Variants in GRN observed in about 807,000 individuals in gnomAD.
GRN encodes the protein granulin precursor, also known as progranulin.
Under a neutral mutation model 66.7 loss-of-function variants are expected in GRN, and 30 were observed. That is an observed-to-expected ratio of 0.45 (90% CI 0.34 to 0.61). The LOEUF is 0.61. GRN is among the 20% of genes least tolerant of loss of function. The pLI is 0.01. For missense variants in GRN, 731 were observed against 803.5 expected, an observed-to-expected ratio of 0.91 and a Z score of 1.09; for synonymous variants, 327 against 311.1, an observed-to-expected ratio of 1.05 and a Z score of -0.54.
intron 10 of GRN, 80 bp downstream of exon 10, chr17:44,351,875 AT>A: frequency 1.3e-6 from 2 of 1,526,964 alleles, no homozygotes; most frequent in Non-Finnish European, 1.8e-6. Flanking sequence ...CGCATAGCCC[AT>A]AGGTGATACC....
At position 44,349,727 on chromosome 17, in the gene GRN, G is replaced by A. The variant is rs766292113; in HGVS notation, c.325G>A (p.Gly109Arg). Residue 109 changes from glycine to arginine, a missense_variant, in exon 4 of 13, where the codon GGG (glycine) becomes AGG (arginine). Transcript: ENST00000053867. ...CPRGFHCSAD[G>R]RSCFQRSGNN... Reference sequence around the variant, plus strand: ...ACGGGGCTTCCACTGCAGTGCAGACGGGCGATCCTGCTTCCAAAGATCAGG... The same window carrying A: ...ACGGGGCTTCCACTGCAGTGCAGACAGGCGATCCTGCTTCCAAAGATCAGG... 33 of 1,610,238 alleles carry A rather than the reference G, an allele frequency of 2.0e-5. No individual in the cohort carries two copies. The highest frequency in any genetic ancestry group is 5.3e-5 in the African/African-American group (4 of 74,876).
chr17:44,347,181 GAAT>G (rs1185831798), intron 1 of GRN, among the ~76,000 whole-genome samples: 2 of 152,082 alleles, frequency 1.3e-5, no homozygotes. Context: ...ATTGTTTAGG[GAAT>G]AATAAGAAAG....
chr17:44,349,413 C>A lies in GRN; in HGVS notation c.139-13C>A, dbSNP rs1198810658. ...CACAAGTCTGTGGTTTATCATTTTC[C>A]CTGTCTTTCTAGGACAAATGGCCCA... is the stretch of plus-strand genomic sequence containing the variant. On this transcript the variant is annotated splice_polypyrimidine_tract_variant and intron_variant, in intron 2 of 12. Coordinates refer to ENST00000053867, the MANE Select transcript of GRN (RefSeq NM_002087.4). The A allele has an allele frequency of 1.9e-6, 3 of 1,614,096 alleles. No individual in the cohort carries two copies. Among genetic ancestry groups the A allele is most frequent in the Non-Finnish European group, 2.5e-6 (3 of 1,180,052 alleles).
At chr17:44,351,269 A>G in intron 8 of GRN, 94 bp from the exon 9 acceptor site, 3 of 1,533,026 alleles carry the variant, frequency 2.0e-6, no homozygotes, top group Non-Finnish European at 2.7e-6. Context: ...CTCCATCTTC[A>G]ACACCTGGTT....
Position 44,351,475 on chromosome 17 carries a change from CG to C in GRN, c.933+18del. ...CTTTTACCCAGGTACCCAGGGGTGG[CG>C]GGTGGGTGGGCTGAGCACAGTGTGG... On this transcript the variant is annotated intron_variant, in intron 9 of 12. Coordinates refer to ENST00000053867, the MANE Select transcript of GRN (RefSeq NM_002087.4). The C allele has an allele frequency of 1.7e-6, 1 of 585,560 alleles. No individual in the cohort carries two copies. The highest frequency in any genetic ancestry group is 3.2e-6 in the Non-Finnish European group (1 of 311,464). The allele number at this position is 585,560 out of a possible 1,614,324, so 36.3% of individuals were successfully genotyped here.
intron 4 of GRN, 74 bp downstream of exon 4, chr17:44,349,825 C>A: frequency 1.0e-6 from 1 of 1,003,172 alleles, no homozygotes. Context: ...GCCCAGCTGG[C>A]GGGGGCAGCC....
chr17:44,352,658 C>G lies in GRN; in HGVS notation c.1645-3C>G. The G allele has an allele frequency of 6.2e-7, 1 of 1,609,988 alleles. No individual in the cohort carries two copies. The highest frequency in any genetic ancestry group is 8.5e-7 in the Non-Finnish European group (1 of 1,180,006). On this transcript the variant is annotated splice_region_variant and splice_polypyrimidine_tract_variant and intron_variant, in intron 12 of 12. Coordinates refer to ENST00000053867, the MANE Select transcript of GRN (RefSeq NM_002087.4). Reference sequence around the variant, plus strand: ...ACCCTCTCGCCCCCCTCTGACCATCCAGGGCGTCTGTTGTGCTGATCGGCG... The same window carrying G: ...ACCCTCTCGCCCCCCTCTGACCATCGAGGGCGTCTGTTGTGCTGATCGGCG...
intron 5 of GRN, 40 bp from the exon 6 acceptor site, chr17:44,350,402 G>T: frequency 6.2e-7 from 1 of 1,613,374 alleles, no homozygotes; most frequent in South Asian, 1.1e-5. Flanking sequence ...GGGGGCCAGG[G>T]GCAGGGGGTG....
intron 4 of GRN, chr17:44,350,023 C>T (rs2048356948): frequency 1.5e-6 from 1 of 662,666 alleles, no homozygotes; most frequent in Non-Finnish European, 2.7e-6. Flanking sequence ...TCAGTGGGTG[C>T]CCCTTCCCCA....
chr17:44,347,899 G>A (rs1054839175), intron 1 of GRN, among the ~76,000 whole-genome samples: 1 of 145,922 alleles, frequency 6.9e-6, no homozygotes, highest in Non-Finnish European at 1.5e-5. Context: ...CACTGAACTC[G>A]AGCATGGGCA....
At chr17:44,347,123 AAAAGAG>A (rs1345708043) in intron 1 of GRN, among the ~76,000 whole-genome samples, 1 of 151,862 alleles carries the variant, frequency 6.6e-6, no homozygotes, top group African/African-American at 2.4e-5. Flanking sequence ...TCTCAAAAAA[AAAAGAG>A]AAAAAGAAAA....
chr17:44,349,489 T>C lies in GRN; in HGVS notation c.202T>C (p.Ser68Pro), dbSNP rs745376236. 1.5e-5 allele frequency: 25 copies of C among 1,614,162 alleles called. No homozygotes were observed. In the South Asian group the frequency reaches 2.4e-4, roughly 16 times the overall value. ...GGPCQVDAHC[S>P]AGHSCIFTVS... Reference sequence around the variant, plus strand: ...CCCCTGCCAGGTTGATGCCCACTGCTCTGCCGGCCACTCCTGCATCTTTAC... The same window carrying C: ...CCCCTGCCAGGTTGATGCCCACTGCCCTGCCGGCCACTCCTGCATCTTTAC... Residue 68 changes from serine (S) to proline (P), a missense_variant, in exon 3 of 13, where the codon TCT becomes CCT. Physicochemically the swap from Ser to Pro is moderately conservative, Grantham distance 74 (BLOSUM62 -1). This residue lies in a region of GRN where 370 missense variants were observed against 379.8 expected (regional missense o/e 0.97). Transcript: ENST00000053867.
At chr17:44,345,497 A>G (rs2048320112) in intron 1 of GRN, 163 bp downstream of exon 1, 1 of 152,340 alleles carries the variant, frequency 6.6e-6, no homozygotes, top group Non-Finnish European at 1.5e-5. Context: ...TTTATGGGAA[A>G]GAGGAAGCAG....
intron 4 of GRN, chr17:44,349,971 T>G: frequency 1.6e-6 from 1 of 637,054 alleles, no homozygotes; most frequent in Non-Finnish European, 2.8e-6. Flanking sequence ...GTTGTGGGGG[T>G]GGGGAGAGGT....
rs2048394652 is a variant in GRN, at chr17:44,353,042, C to T, written c.*244C>T. 2.3e-5 allele frequency: 14 copies of T among 598,578 alleles called. No individual in the cohort carries two copies. The East Asian group carries it at 3.9e-4, about 17-fold the overall frequency. 37.1% of individuals were successfully genotyped at this position (598,578 alleles called of 1,614,324 possible). A position where few individuals can be genotyped will look rare whatever the true frequency, so the allele number is the denominator to read the frequency against. On this transcript the variant is annotated 3_prime_UTR_variant, in exon 13 of 13. Coordinates refer to ENST00000053867, the MANE Select transcript of GRN (RefSeq NM_002087.4). Reference sequence around the variant, plus strand: ...GGACCCTGTGGCCAGGTGCTTTTCCCTATCCACAGGGGTGTTTGTGTGTGT... The same window carrying T: ...GGACCCTGTGGCCAGGTGCTTTTCCTTATCCACAGGGGTGTTTGTGTGTGT...
chr17:44,351,849 A>G, intron 10 of GRN, 54 bp downstream of exon 10: 1 of 1,587,056 alleles, frequency 6.3e-7, no homozygotes, highest in Non-Finnish European at 8.6e-7. Context: ...CCAAGCTCCT[A>G]TTGCTTTCTG....
Position 44,351,103 on chromosome 17 carries a change from A to G in GRN, c.775A>G (p.Lys259Glu). The G allele has an allele frequency of 6.2e-7, 1 of 1,613,982 alleles. No individual in the cohort carries two copies. The highest frequency in any genetic ancestry group is 8.5e-7 in the Non-Finnish European group (1 of 1,179,908). ...CACTGTGTGTGACCTGATCCAGAGT[A>G]AGTGCCTCTCCAAGGAGAACGCTAC... is the stretch of plus-strand genomic sequence containing the variant. ...QDTVCDLIQS[K>E]CLSKENATTD... Residue 259 changes from lysine to glutamate, a missense_variant, in exon 8 of 13, where the codon AAG (lysine) becomes GAG (glutamate). Around this residue, in one of 3 missense-constraint regions of GRN, gnomAD observed 370 missense variants for 379.8 expected, o/e 0.97. Coordinates refer to ENST00000053867, the MANE Select transcript of GRN (RefSeq NM_002087.4).
chr17:44,351,744 TACCTGCTGC>T lies in GRN; in HGVS notation c.1129_1137del (p.Thr377_Cys379del), dbSNP rs1378781408. The T allele has an allele frequency of 6.2e-7, 1 of 1,613,436 alleles. No individual in the cohort carries two copies. Among genetic ancestry groups the T allele is most frequent in the Non-Finnish European group, 8.5e-7 (1 of 1,179,754 alleles). On this transcript the variant is annotated inframe_deletion, in exon 10 of 13. Coordinates refer to ENST00000053867, the MANE Select transcript of GRN (RefSeq NM_002087.4). Reference sequence around the variant, plus strand: ...ATGTCAGCAGCTGTCCCTCCTCCGATACCTGCTGCCAACTCACGTCTGGGGAGTGGGGCT... The same window carrying T: ...ATGTCAGCAGCTGTCCCTCCTCCGATCAACTCACGTCTGGGGAGTGGGGCT...
At position 44,352,772 on chromosome 17, in the gene GRN, G is replaced by T; in HGVS notation, c.1756G>T (p.Asp586Tyr). 1 of 1,611,906 alleles carries T rather than the reference G, an allele frequency of 6.2e-7. No individual in the cohort carries two copies. ...EAPRWDAPLRDPALRQLL is the reference protein window; with the variant it reads ...EAPRWDAPLRYPALRQLL ...CCCGCGCTGGGACGCCCCTTTGAGG[G>T]ACCCAGCCTTGAGACAGCTGCTGTG... The change falls in exon 13 of 13, where the codon GAC (aspartate) becomes TAC (tyrosine). Residue 586 changes from aspartate (D) to tyrosine (Y), a missense_variant. Asp to Tyr is a radical substitution (Grantham distance 160). Transcript: ENST00000053867.
Sources: gnomAD v4.1 joint callset for allele counts (sites outside exome capture counted in the v4.1 genomes callset) on GRCh38, gnomAD v4.1.1 for gene constraint, gnomAD v4.1.1 regional missense constraint, MANE v1.5 for transcripts, NCBI Gene and HGNC (gene_info 2026-07-23, HGNC 2026-07-21) for gene names.